Variants in KLF8 observed in about 807,000 individuals in gnomAD.
The protein encoded by KLF8 is KLF transcription factor 8, also known as Krueppel-like factor 8.
In KLF8, 10 loss-of-function variants were observed where a neutral mutation model predicts 18.2. The ratio of observed to expected loss-of-function variants is 0.55; its 90% CI spans 0.34 to 0.93. KLF8 has a LOEUF of 0.93. Ranked by LOEUF, KLF8 falls within the 40% of genes least tolerant of loss-of-function variation. KLF8 has a pLI of 0.02. For synonymous variants in KLF8, 109 were observed against 97.3 expected, an observed-to-expected ratio of 1.12 and a Z score of -0.71; for missense variants, 264 against 277.9, an observed-to-expected ratio of 0.95 and a Z score of 0.36.
the KLF8 span, among the ~76,000 whole-genome samples, chrX:56,047,614 C>A: frequency 9.0e-6 from 1 of 111,027 alleles, no homozygotes; most frequent in Non-Finnish European, 1.9e-5. Flanking sequence ...TTTATGGCTG[C>A]AGAGTATTCC....
chrX:56,035,798 C>T, the KLF8 span, among the ~76,000 whole-genome samples: 1 of 111,421 alleles, frequency 9.0e-6, no homozygotes, highest in East Asian at 2.8e-4. Context: ...TTCACCCATT[C>T]ACGTCTTTTT....
the KLF8 span, among the ~76,000 whole-genome samples, chrX:55,939,372 AAGC>A: frequency 6.3e-5 from 7 of 111,674 alleles, no homozygotes; most frequent in East Asian, 1.7e-3. Flanking sequence ...GACACATTCA[AAGC>A]AGTATGTAGA....
the KLF8 span, among the ~76,000 whole-genome samples, chrX:56,217,398 C>CTATTCATTTATTTATT: frequency 9.7e-6 from 1 of 103,561 alleles, no homozygotes; most frequent in Admixed American, 1.0e-4. Context: ...CTGAATTGTA[C>CTATTCATTTATTTATT]TATTTATTTA....
the KLF8 span, among the ~76,000 whole-genome samples, chrX:56,184,134 C>T: frequency 8.9e-6 from 1 of 112,301 alleles, no homozygotes; most frequent in African/African-American, 3.2e-5. Flanking sequence ...AAAGGGGTGA[C>T]AGACGGCACC....
rs758061219 is a variant in KLF8 at position 56,265,241 on chromosome X, C to A, written c.143C>A (p.Ser48Tyr). The change falls in exon 3 of 6, where the codon TCT becomes TAT. Residue 48 changes from serine to tyrosine, a missense_variant. Transcript: ENST00000468660. ...PEIEYRSNMT[S>Y]PTLLDANPME... Reference sequence around the variant, plus strand: ...ATAGAATACAGAAGTAATATGACTTCTCCAACACTCCTGGATGCCAACCCC... The same window carrying A: ...ATAGAATACAGAAGTAATATGACTTATCCAACACTCCTGGATGCCAACCCC... 1 of 1,209,342 alleles carries A rather than the reference C, an allele frequency of 8.3e-7. No individual in the cohort carries two copies. The highest frequency in any genetic ancestry group is 1.1e-6 in the Non-Finnish European group (1 of 894,007).
chrX:56,058,246 A>ATG, the KLF8 span, among the ~76,000 whole-genome samples: 1 of 73,423 alleles, frequency 1.4e-5, no homozygotes, highest in Non-Finnish European at 2.5e-5. Context: ...ACATATATAT[A>ATG]CGTATATATA....
the KLF8 span, among the ~76,000 whole-genome samples, chrX:56,163,377 G>A: frequency 6.3e-5 from 7 of 111,703 alleles, no homozygotes; most frequent in South Asian, 2.6e-3. Flanking sequence ...ATGATTTTTG[G>A]CTGCATTTAT....
At chrX:56,143,364 A>G in the KLF8 span, among the ~76,000 whole-genome samples, 11 of 111,824 alleles carry the variant, frequency 9.8e-5, no homozygotes, top group East Asian at 2.8e-3. Context: ...ACTGTCTTTT[A>G]CCTTGCTTTT....
chrX:56,123,725 T>C, the KLF8 span, among the ~76,000 whole-genome samples: 1 of 112,336 alleles, frequency 8.9e-6, no homozygotes, highest in African/African-American at 3.2e-5. Context: ...ATACTGTGAC[T>C]ATTTCCACAA....
chrX:56,087,353 GC>G, the KLF8 span, among the ~76,000 whole-genome samples: 2 of 110,544 alleles, frequency 1.8e-5, no homozygotes, highest in Non-Finnish European at 3.8e-5. Flanking sequence ...GAATGGTTTA[GC>G]CCCATCCCCT....
the KLF8 span, among the ~76,000 whole-genome samples, chrX:55,947,202 G>A: frequency 9.0e-6 from 1 of 110,694 alleles, no homozygotes; most frequent in African/African-American, 3.3e-5. Context: ...GTTTTTTGCA[G>A]CACTATTCAC....
rs746636137 is a variant in KLF8 at position 56,269,481 on chromosome X, A to T, written c.750A>T (p.Leu250=). The T allele has an allele frequency of 1.2e-5, 14 of 1,194,718 alleles. No individual in the cohort carries two copies. The highest frequency in any genetic ancestry group is 3.6e-5 in the African/African-American group (2 of 55,995). Residue 250 remains leucine (L), a synonymous_variant, in exon 4 of 6, where the codon CTA becomes CTT. Transcript: ENST00000468660. Reference sequence around the variant, plus strand: ...CAGCCTTGCAGAGTCTGCAGGGACTACAGCAAGAGTGAGTACTTTTTGTCT... The same window carrying T: ...CAGCCTTGCAGAGTCTGCAGGGACTTCAGCAAGAGTGAGTACTTTTTGTCT... ...GSSALQSLQG[L]QQEPAAMAQM... is the part of the protein sequence containing the mutation.
chrX:55,934,558 G>A, the KLF8 span, among the ~76,000 whole-genome samples: 2 of 112,026 alleles, frequency 1.8e-5, no homozygotes, highest in East Asian at 5.6e-4. Flanking sequence ...TTGAATAGTA[G>A]CATTCACCTT....
chrX:56,109,202 C>A, the KLF8 span, among the ~76,000 whole-genome samples: 354 of 110,732 alleles, frequency 3.2e-3, 1 homozygote, highest in Non-Finnish European at 4.6e-3. Flanking sequence ...TGAGACCTTC[C>A]TAAGCAACAT....
At chrX:56,165,721 T>C in the KLF8 span, among the ~76,000 whole-genome samples, 1 of 111,154 alleles carries the variant, frequency 9.0e-6, no homozygotes, top group Non-Finnish European at 1.9e-5. Flanking sequence ...ATTAGCCAGA[T>C]ATGTTTCTAC....
chrX:56,098,880 A>T, the KLF8 span, among the ~76,000 whole-genome samples: 1 of 112,383 alleles, frequency 8.9e-6, no homozygotes, highest in African/African-American at 3.2e-5. Context: ...GAAATTAAGT[A>T]ATTTTGCAGG....
At chrX:56,031,922 A>G in the KLF8 span, among the ~76,000 whole-genome samples, 1 of 111,687 alleles carries the variant, frequency 9.0e-6, no homozygotes, top group Admixed American at 9.5e-5. Context: ...GGGGTATGTG[A>G]CAGGGGCTTC....
intron 2 of KLF8, among the ~76,000 whole-genome samples, chrX:56,250,904 A>T (rs760533139): frequency 1.6e-3 from 181 of 112,182 alleles, no homozygotes; most frequent in Non-Finnish European, 2.8e-3. Flanking sequence ...TGCTCTATGG[A>T]GGACAGTCTT....
the KLF8 span, among the ~76,000 whole-genome samples, chrX:55,984,120 TTCTTC>T: frequency 9.1e-6 from 1 of 109,948 alleles, no homozygotes; most frequent in Admixed American, 9.8e-5. Context: ...ATTTGTTTTT[TTCTTC>T]TCTTCAACTT....
Sources: allele counts gnomAD v4.1 joint callset (sites outside exome capture counted in the v4.1 genomes callset), GRCh38; gene constraint gnomAD v4.1.1; transcripts MANE v1.5; gene names NCBI Gene and HGNC (gene_info 2026-07-23, HGNC 2026-07-21).